Variants in TOPAZ1 observed in about 807,000 individuals in gnomAD.
TOPAZ1 encodes the protein testis and ovary specific TOPAZ 1, also known as protein TOPAZ1.
Under a neutral mutation model 172.2 loss-of-function variants are expected in TOPAZ1, and 66 were observed. The observed-to-expected ratio is 0.38, with a 90% confidence interval of 0.31 to 0.47. The LOEUF (loss-of-function observed/expected upper bound fraction) is 0.47, where lower values mean the gene tolerates loss of function less well. TOPAZ1 is among the 20% of genes least tolerant of loss of function. TOPAZ1 has a pLI of 0.99. For synonymous variants in TOPAZ1, 681 were observed against 683.9 expected (o/e 1.00, Z 0.07); for missense variants, 1,822 against 1,972.4 (o/e 0.92, Z 1.44).
At chr3:44,282,444 G>A (rs1256774162) in intron 9 of TOPAZ1, among the ~76,000 whole-genome samples, 1 of 152,172 alleles carries the variant, frequency 6.6e-6, no homozygotes, top group Non-Finnish European at 1.5e-5. Context: ...ATGCCAGGCT[G>A]TGTTCAAACT....
chr3:44,265,723 A>G (rs901299276), intron 5 of TOPAZ1, among the ~76,000 whole-genome samples: 4 of 152,208 alleles, frequency 2.6e-5, no homozygotes. Context: ...CCATGCTTTA[A>G]ACAGATGTGC....
intron 16 of TOPAZ1, among the ~76,000 whole-genome samples, chr3:44,317,701 A>T (rs1313505202): frequency 6.6e-6 from 1 of 152,226 alleles, no homozygotes; most frequent in African/African-American, 2.4e-5. Flanking sequence ...GACAAATAGA[A>T]AATATTTCCC....
intron 16 of TOPAZ1, 89 bp downstream of exon 16, chr3:44,310,079 T>G: frequency 2.4e-6 from 3 of 1,224,880 alleles, no homozygotes; most frequent in Non-Finnish European, 2.3e-6. Flanking sequence ...GATATTGAAC[T>G]GTGGTTAATA....
At chr3:44,281,032 A>G (rs1486942471) in intron 8 of TOPAZ1, among the ~76,000 whole-genome samples, 3 of 152,176 alleles carry the variant, frequency 2.0e-5, no homozygotes, top group African/African-American at 7.2e-5. Context: ...AGGACCCACA[A>G]GGGCCAAGGG....
At chr3:44,326,605 G>A (rs1049544650) in intron 18 of TOPAZ1, among the ~76,000 whole-genome samples, 1 of 151,672 alleles carries the variant, frequency 6.6e-6, no homozygotes, top group African/African-American at 2.4e-5. Flanking sequence ...CAAATATTTT[G>A]TCCATCCTGT....
chr3:44,251,785 G>T lies in TOPAZ1; in HGVS notation c.2766-3183G>T, dbSNP rs187167357. On this transcript the variant is annotated intron_variant, in intron 2 of 19. Coordinates refer to ENST00000309765, the MANE Select transcript of TOPAZ1 (RefSeq NM_001145030.2). ...TACTCTCTCCTCTCCTTTTTACTTA[G>T]ATCTTCTCTTTGCTTATCTGTATTT... Among the ~76,000 whole-genome samples, 694 of 152,124 alleles carry T rather than the reference G, an allele frequency of 4.6e-3. 1 individual carries two copies. Among genetic ancestry groups the T allele is most frequent in the Non-Finnish European group, 7.0e-3 (478 of 67,984 alleles).
chr3:44,242,100 A>T lies in TOPAZ1; in HGVS notation c.47A>T (p.Glu16Val). The change falls in exon 1 of 20, where the codon GAA (glutamate) becomes GTA (valine). Residue 16 changes from glutamate to valine, a missense_variant. By Grantham distance (121) the Glu-to-Val change is moderately radical. Transcript: ENST00000309765. ...GGCCCCACGACGGCCTCAGGGCCTG[A>T]AGGCAATGTGCGAAACCTGCAGAAG... Reference protein sequence around the residue: ...PLGPTTASGPEGNVRNLQKRQ... With the variant: ...PLGPTTASGPVGNVRNLQKRQ... 6.5e-7 allele frequency: 1 copy of T among 1,548,002 alleles called. No homozygotes were observed. The highest frequency in any genetic ancestry group is 8.7e-7 in the Non-Finnish European group (1 of 1,146,498).
intron 2 of TOPAZ1, among the ~76,000 whole-genome samples, chr3:44,248,157 A>G (rs1380238118): frequency 6.6e-6 from 1 of 152,198 alleles, no homozygotes; most frequent in Non-Finnish European, 1.5e-5. Context: ...TTCTGACATT[A>G]TGTGTTGTAG....
intron 5 of TOPAZ1, among the ~76,000 whole-genome samples, chr3:44,264,645 T>C (rs1209771157): frequency 6.6e-6 from 1 of 152,214 alleles, no homozygotes; most frequent in Non-Finnish European, 1.5e-5. Flanking sequence ...TCACAAAAGA[T>C]TTCTCTGTAG....
chr3:44,290,840 C>T lies in TOPAZ1; in HGVS notation c.3751C>T (p.Gln1251Ter). 6.5e-7 allele frequency: 1 copy of T among 1,549,562 alleles called. No homozygotes were observed. ...TATTGTTAAGCTTTTATACCAAGTA[C>T]AAGCTTCCAAACAAGAAATAACTGC... ...NYIVKLLYQV[Q>*]ASKQEITAVL... Residue 1251 changes from glutamine to a stop codon, truncating the protein, a stop_gained, in exon 12 of 20, where the codon CAA becomes TAA. Transcript: ENST00000309765. LOFTEE classifies it high-confidence loss of function.
rs113544551 is a variant in TOPAZ1 at position 44,285,814 on chromosome 3, G to A, written c.3437-1575G>A. On this transcript the variant is annotated intron_variant, in intron 9 of 19. Transcript: ENST00000309765. ...TCGAACTCTTGACCTCAGGTGATCC[G>A]CCCACAGCCTCCCAAAGTGCTGGAA... is the stretch of plus-strand genomic sequence containing the variant. Among the ~76,000 whole-genome samples the A allele has an allele frequency of 9.0e-3, 1,367 of 151,564 alleles. 21 individuals are homozygous for A. The highest frequency in any genetic ancestry group is 0.032 in the African/African-American group (1,317 of 41,372).
Position 44,270,649 on chromosome 3 carries a change from A to C in TOPAZ1, c.3247-36A>C, listed in dbSNP as rs530285878. The C allele has an allele frequency of 2.7e-5, 41 of 1,508,196 alleles. No homozygotes were observed. In the East Asian group the frequency reaches 9.5e-4, roughly 35 times the overall value. 93.4% of individuals were successfully genotyped at this position (1,508,196 alleles called of 1,614,324 possible). A position where few individuals can be genotyped will look rare whatever the true frequency, so the allele number is the denominator to read the frequency against. On this transcript the variant is annotated intron_variant, in intron 7 of 19. Coordinates refer to ENST00000309765, the MANE Select transcript of TOPAZ1 (RefSeq NM_001145030.2). The stretch of plus-strand genomic sequence containing the variant: ...TGCTTAACTATAGTAAGTGCTTTAC[A>C]GTTAATACAGAAAGTGAATCTTTCT...
chr3:44,246,053 A>G (rs1699561617), intron 2 of TOPAZ1, among the ~76,000 whole-genome samples: 1 of 152,194 alleles, frequency 6.6e-6, no homozygotes, highest in Non-Finnish European at 1.5e-5. Flanking sequence ...GGAAATTTTT[A>G]TTTGAAGTAA....
chr3:44,309,923 T>A lies in TOPAZ1; in HGVS notation c.4239T>A (p.Ile1413=), dbSNP rs771676519. 1.9e-6 allele frequency: 3 copies of A among 1,551,502 alleles called. No individual in the cohort carries two copies. Among genetic ancestry groups the A allele is most frequent in the Non-Finnish European group, 2.6e-6 (3 of 1,146,966 alleles). The change falls in exon 16 of 20, where the codon ATT becomes ATA. Residue 1413 remains isoleucine (I), a synonymous_variant. Coordinates refer to ENST00000309765, the MANE Select transcript of TOPAZ1 (RefSeq NM_001145030.2). The stretch of plus-strand genomic sequence containing the variant: ...AGAAGTTAGCATCAAGATGTCAAAT[T>A]GTGAATGTTGCAGCAGAAATTTTTC... ...GPEKLASRCQ[I]VNVAAEIFLK...
In TOPAZ1 at chr3:44,293,835, T is replaced by A. The variant is rs566520594; in HGVS notation, c.3797+2949T>A. Among the ~76,000 whole-genome samples, 22 of 152,352 alleles carry A rather than the reference T, an allele frequency of 1.4e-4. No homozygotes were observed. In the East Asian group the frequency reaches 4.2e-3, roughly 29 times the overall value. On this transcript the variant is annotated intron_variant, in intron 12 of 19. Transcript: ENST00000309765. ...TTGCAGGTTGGTAGCCTAGGAACAA[T>A]AGGCTATATCATATAGCCTAGGTGA... is the stretch of plus-strand genomic sequence containing the variant.
intron 2 of TOPAZ1, among the ~76,000 whole-genome samples, chr3:44,251,539 A>G (rs1467794201): frequency 6.6e-6 from 1 of 152,246 alleles, no homozygotes; most frequent in Admixed American, 6.5e-5. Flanking sequence ...TTATATTACA[A>G]TCTGGTACAC....
intron 12 of TOPAZ1, among the ~76,000 whole-genome samples, chr3:44,292,434 G>A (rs1177446265): frequency 6.6e-6 from 1 of 152,032 alleles, no homozygotes; most frequent in African/African-American, 2.4e-5. Flanking sequence ...TCCCATTTTG[G>A]GCAGTGGCAG....
chr3:44,315,936 T>A (rs1416132184), intron 16 of TOPAZ1, among the ~76,000 whole-genome samples: 2 of 152,118 alleles, frequency 1.3e-5, no homozygotes, highest in East Asian at 3.9e-4. Flanking sequence ...ATTTATATTT[T>A]AAAAATAAAC....
downstream of TOPAZ1, among the ~76,000 whole-genome samples, chr3:44,334,937 G>T (rs4682741): frequency 0.85 from 129,756 of 152,144 alleles, 55,379 homozygotes; most frequent in Middle Eastern, 0.91. Flanking sequence ...TAGTTTTTGC[G>T]ATTGTGAGGG....
Sources: allele counts gnomAD v4.1 joint callset (sites outside exome capture counted in the v4.1 genomes callset), GRCh38; gene constraint gnomAD v4.1.1; transcripts MANE v1.5; gene names NCBI Gene and HGNC (gene_info 2026-07-23, HGNC 2026-07-21).